DENND1B: variants seen among roughly 807,000 people sequenced by gnomAD.
DENND1B encodes DENN domain containing 1B.
DENND1B carries 59 observed loss-of-function variants against 90.1 expected under a neutral mutation model. The observed-to-expected ratio is 0.65, with a 90% CI of 0.53 to 0.81. DENND1B has a LOEUF of 0.81. Among genes scored for constraint, DENND1B ranks in the 40% least tolerant of loss-of-function variants. The pLI is 0.00. For synonymous variants in DENND1B, 337 were observed against 324.6 expected, an observed-to-expected ratio of 1.04 and a Z score of -0.41; for missense variants, 862 against 912.6, an observed-to-expected ratio of 0.94 and a Z score of 0.71.
intron 14 of DENND1B, among the ~76,000 whole-genome samples, chr1:197,593,659 C>G (rs1211615188): frequency 6.6e-6 from 1 of 151,912 alleles, no homozygotes; most frequent in African/African-American, 2.4e-5. Flanking sequence ...TTTCAGTCAG[C>G]ACCCAACAAA....
At chr1:197,596,149 C>G (rs1206671667) in intron 13 of DENND1B, among the ~76,000 whole-genome samples, 1 of 151,938 alleles carries the variant, frequency 6.6e-6, no homozygotes, top group Non-Finnish European at 1.5e-5. Context: ...CAAAGAAAAA[C>G]TTACCTAAAA....
At chr1:197,674,495 C>T (rs1572276801) in intron 3 of DENND1B, among the ~76,000 whole-genome samples, 1 of 152,124 alleles carries the variant, frequency 6.6e-6, no homozygotes, top group Admixed American at 6.6e-5. Context: ...GGGTAAGCTA[C>T]GTCTGCTGCT....
chr1:197,604,165 A>G (rs1676452914), intron 13 of DENND1B, among the ~76,000 whole-genome samples: 1 of 138,122 alleles, frequency 7.2e-6, no homozygotes, highest in Non-Finnish European at 1.6e-5. Flanking sequence ...AATAATCAAT[A>G]TCATTAAAAT....
chr1:197,665,785 A>G (rs952801591), intron 5 of DENND1B, among the ~76,000 whole-genome samples: 4 of 152,144 alleles, frequency 2.6e-5, no homozygotes, highest in Non-Finnish European at 5.9e-5. Context: ...AACTTCAAAC[A>G]GTAGAAGATA....
intron 20 of DENND1B, among the ~76,000 whole-genome samples, chr1:197,539,616 T>C (rs549729505): frequency 1.3e-5 from 2 of 152,304 alleles, no homozygotes; most frequent in South Asian, 2.1e-4. Context: ...CAAATACCCA[T>C]GTATAAGATT....
At position 197,505,999 on chromosome 1, in the gene DENND1B, C is replaced by G. The variant is rs929434217; in HGVS notation, c.*4461G>C. ...GAGGCAGTTAGTTATGATACAACAACACAATATCCATAATAATTTTAAATA... is the reference window on the plus strand; with the variant it reads ...GAGGCAGTTAGTTATGATACAACAAGACAATATCCATAATAATTTTAAATA... On this transcript the variant is annotated 3_prime_UTR_variant, in exon 23 of 23. Coordinates refer to ENST00000620048, the MANE Select transcript of DENND1B (RefSeq NM_001195215.2). 19 of 151,654 alleles carry G rather than the reference C, an allele frequency of 1.3e-4. No homozygotes were observed. Among genetic ancestry groups the G allele is most frequent in the Middle Eastern group, 3.4e-3 (1 of 294 alleles). The allele number at this position is 151,654 out of a possible 1,614,324, so 9.4% of individuals were successfully genotyped here.
chr1:197,626,639 A>G (rs981583882), intron 10 of DENND1B, among the ~76,000 whole-genome samples: 11 of 152,122 alleles, frequency 7.2e-5, no homozygotes, highest in African/African-American at 2.4e-4. Flanking sequence ...GAGCAAACAC[A>G]TTCAAAAACT....
intron 15 of DENND1B, among the ~76,000 whole-genome samples, chr1:197,573,026 CTCTT>C (rs1334326840): frequency 6.6e-6 from 1 of 152,122 alleles, no homozygotes; most frequent in African/African-American, 2.4e-5. Context: ...TGATTCTTCT[CTCTT>C]TTTTTCTTTA....
rs1202073018 is a variant in DENND1B at position 197,504,777 on chromosome 1, T to G, written c.*5683A>C. ...ATTGTGACCAATTTTATTTTAGAAC[T>G]GCATTTTTGGGTGTTTTATGGTAAT... is the stretch of plus-strand genomic sequence containing the variant. On this transcript the variant is annotated 3_prime_UTR_variant, in exon 23 of 23. Transcript: ENST00000620048. 6.6e-6 allele frequency: 1 copy of G among 151,880 alleles called. No individual in the cohort carries two copies. The highest frequency in any genetic ancestry group is 1.5e-5 in the Non-Finnish European group (1 of 67,876). 9.4% of individuals were successfully genotyped at this position (151,880 alleles called of 1,614,324 possible). A position where few individuals can be genotyped will look rare whatever the true frequency, so the allele number is the denominator to read the frequency against.
intron 2 of DENND1B, among the ~76,000 whole-genome samples, chr1:197,731,174 T>C (rs1662112429): frequency 6.6e-6 from 1 of 151,992 alleles, no homozygotes; most frequent in Non-Finnish European, 1.5e-5. Context: ...TCCAAAAGGA[T>C]TAAAACAGAT....
At position 197,617,848 on chromosome 1, in the gene DENND1B, T is replaced by C. The variant is rs561896364; in HGVS notation, c.673-89A>G. ...TCAATGTATCAACAATGAACAGTAATCACAGAACAATTTACATAACTACAT... is the reference window on the plus strand; with the variant it reads ...TCAATGTATCAACAATGAACAGTAACCACAGAACAATTTACATAACTACAT... On this transcript the variant is annotated intron_variant, in intron 10 of 22. Transcript: ENST00000620048. 13 of 846,036 alleles carry C rather than the reference T, an allele frequency of 1.5e-5. No individual in the cohort carries two copies. The African/African-American group carries it at 1.9e-4, about 12-fold the overall frequency. 52.4% of individuals were successfully genotyped at this position (846,036 alleles called of 1,614,324 possible).
chr1:197,762,851 G>A (rs747965143), intron 2 of DENND1B, among the ~76,000 whole-genome samples: 1 of 151,986 alleles, frequency 6.6e-6, no homozygotes, highest in Non-Finnish European at 1.5e-5. Flanking sequence ...TGTACTCCAG[G>A]CCCATCCATG....
At chr1:197,708,102 T>C (rs1179224602) in intron 3 of DENND1B, among the ~76,000 whole-genome samples, 8 of 123,694 alleles carry the variant, frequency 6.5e-5, no homozygotes, top group Non-Finnish European at 1.2e-4. Flanking sequence ...CGCTGATTGC[T>C]AGCACAGCAG....
At position 197,593,277 on chromosome 1, in the gene DENND1B, T is replaced by C. The variant is rs555446368; in HGVS notation, c.1047+1931A>G. 4.0e-5 allele frequency among the ~76,000 whole-genome samples: 6 copies of C among 150,510 alleles called. No homozygotes were observed. In the South Asian group the frequency reaches 1.3e-3, roughly 31 times the overall value. On this transcript the variant is annotated intron_variant, in intron 14 of 22. Coordinates refer to ENST00000620048, the MANE Select transcript of DENND1B (RefSeq NM_001195215.2). ...AAAATAATCATCTAAGTGCATTCAG[T>C]ATACATTAAAAAGGAAGCTTTCATT...
At chr1:197,597,110 G>A (rs1238874837) in intron 13 of DENND1B, among the ~76,000 whole-genome samples, 3 of 151,774 alleles carry the variant, frequency 2.0e-5, no homozygotes, top group African/African-American at 4.8e-5. Context: ...CCCACAAAGT[G>A]CATAAATCAG....
intron 2 of DENND1B, among the ~76,000 whole-genome samples, chr1:197,750,344 C>T (rs934283330): frequency 2.0e-5 from 3 of 150,998 alleles, no homozygotes; most frequent in Non-Finnish European, 4.4e-5. Context: ...AAAACAAAGC[C>T]AAGAGAAGAG....
chr1:197,571,659 A>C (rs1673165148), intron 15 of DENND1B, among the ~76,000 whole-genome samples: 1 of 152,178 alleles, frequency 6.6e-6, no homozygotes, highest in African/African-American at 2.4e-5. Flanking sequence ...CTTCACTAGA[A>C]ATATCAGCTT....
chr1:197,554,014 A>G (rs1272460089), intron 15 of DENND1B, among the ~76,000 whole-genome samples: 1 of 151,822 alleles, frequency 6.6e-6, no homozygotes, highest in African/African-American at 2.4e-5. Flanking sequence ...TACATAGCAT[A>G]CCAGAATCTC....
intron 7 of DENND1B, among the ~76,000 whole-genome samples, chr1:197,647,934 C>T (rs1056318405): frequency 4.4e-5 from 6 of 135,734 alleles, no homozygotes; most frequent in Admixed American, 1.6e-4. Flanking sequence ...GCAACAAGAG[C>T]GAAACTCCAC....
Sources: allele counts gnomAD v4.1 joint callset (sites outside exome capture counted in the v4.1 genomes callset), GRCh38; gene constraint gnomAD v4.1.1; transcripts MANE v1.5; gene names NCBI Gene and HGNC (gene_info 2026-07-23, HGNC 2026-07-21).